AVPI1: variants seen among roughly 807,000 people sequenced by gnomAD.
The protein encoded by AVPI1 is arginine vasopressin-induced protein 1.
AVPI1 carries 9 observed loss-of-function variants against 11.9 expected under a neutral mutation model. That is an observed-to-expected ratio of 0.76 (90% CI 0.46 to 1.32). The LOEUF is 1.32. Among genes scored for constraint, AVPI1 ranks in the 40% most tolerant of loss-of-function variants. The probability of loss-of-function intolerance (pLI) is 0.00; values close to 1 mark genes in which losing one functional copy is unlikely to be tolerated. For missense variants in AVPI1, 207 were observed against 195.8 expected (o/e 1.06, Z -0.34); for synonymous variants, 68 against 78.1 (o/e 0.87, Z 0.68).
chr10:97,685,798 T>C (rs924090781), intron 1 of AVPI1, among the ~76,000 whole-genome samples: 12 of 152,158 alleles, frequency 7.9e-5, no homozygotes, highest in African/African-American at 2.9e-4. Flanking sequence ...TCCAAATCCA[T>C]GCCCCTGGAG....
At position 97,677,966 on chromosome 10, in the gene AVPI1, C is replaced by T. The variant is rs770430421; in HGVS notation, c.347G>A (p.Ser116Asn). The part of the protein sequence containing the change: ...NPQSATETAS[S>N]EQYLHSRKKS... ...CTTCCTAGAGTGCAGATACTGCTCA[C>T]TGGAGGCTGTCTCTGTGGCACTCTG... The change falls in exon 3 of 3, where the codon AGT becomes AAT. Residue 116 changes from serine to asparagine, a missense_variant. Coordinates refer to ENST00000370626, the MANE Select transcript of AVPI1 (RefSeq NM_021732.3). 68 of 1,614,078 alleles carry T rather than the reference C, an allele frequency of 4.2e-5. 1 individual carries two copies. The highest frequency in any genetic ancestry group is 1.2e-4 in the Admixed American group (7 of 60,000).
chr10:97,685,366 G>A lies in AVPI1; in HGVS notation c.-11+1400C>T, dbSNP rs943364745. Among the ~76,000 whole-genome samples, 9 of 152,122 alleles carry A rather than the reference G, an allele frequency of 5.9e-5. No homozygotes were observed. In the South Asian group the frequency reaches 6.2e-4, roughly 10 times the overall value. ...TGAATTTGCAATATATAAATATGGC[G>A]CGCAATTGAGCACTCTTTGCAATAT... On this transcript the variant is annotated intron_variant, in intron 1 of 2. Transcript: ENST00000370626.
intron 2 of AVPI1, among the ~76,000 whole-genome samples, chr10:97,678,938 T>TTTTCAGAGAGAG (rs2041684543): frequency 3.0e-5 from 1 of 33,680 alleles, no homozygotes; most frequent in Non-Finnish European, 6.3e-5. Flanking sequence ...TGTGTGTGTG[T>TTTTCAGAGAGAG]GTGTGTGTGT....
At chr10:97,679,141 C>CT (rs559721224) in intron 2 of AVPI1, among the ~76,000 whole-genome samples, 52,236 of 124,102 alleles carry the variant, frequency 0.42, 12,033 homozygotes, top group African/African-American at 0.54. Flanking sequence ...TAACAGCAAT[C>CT]TTTTTTTTTT....
rs770933514 is a variant in AVPI1, at chr10:97,679,773, G to A, written c.133C>T (p.Arg45Cys). The A allele has an allele frequency of 6.8e-6, 11 of 1,613,944 alleles. No homozygotes were observed. Among genetic ancestry groups the A allele is most frequent in the South Asian group, 6.6e-5 (6 of 91,072 alleles). The part of the protein sequence containing the change: ...ELLQIQALFQ[R>C]SGDQLAEERA... ...TCCTCGGCCAGCTGGTCCCCGCTGC[G>A]TTGAAACAGGGCTTGGATCTGCAGC... The change falls in exon 2 of 3, where the codon CGC becomes TGC. Residue 45 changes from arginine (R) to cysteine (C), a missense_variant. Arg to Cys is a radical substitution (Grantham distance 180). Coordinates refer to ENST00000370626, the MANE Select transcript of AVPI1 (RefSeq NM_021732.3).
intron 1 of AVPI1, among the ~76,000 whole-genome samples, chr10:97,683,978 AACGGAGCT>A (rs2041717146): frequency 6.6e-6 from 1 of 152,028 alleles, no homozygotes; most frequent in Non-Finnish European, 1.5e-5. Context: ...CAGAAGGAGG[AACGGAGCT>A]ACTTGTCTGC....
chr10:97,682,128 T>G (rs568674410), intron 1 of AVPI1, among the ~76,000 whole-genome samples: 1 of 152,350 alleles, frequency 6.6e-6, no homozygotes, highest in East Asian at 1.9e-4. Flanking sequence ...CCATGGATAC[T>G]GAGGAATTTA....
At chr10:97,679,425 G>A (rs930179490) in intron 2 of AVPI1, among the ~76,000 whole-genome samples, 194 bp downstream of exon 2, 8 of 152,166 alleles carry the variant, frequency 5.3e-5, no homozygotes, top group Non-Finnish European at 1.2e-4. Flanking sequence ...TTACAGGGAT[G>A]AGCCACTGCA....
At chr10:97,681,144 G>A (rs1049780268) in intron 1 of AVPI1, among the ~76,000 whole-genome samples, 1 of 152,182 alleles carries the variant, frequency 6.6e-6, no homozygotes, top group Non-Finnish European at 1.5e-5. Context: ...CTCTGAGCCT[G>A]TTTCCTTAAC....
chr10:97,678,684 T>TTAAAA (rs771573400), intron 2 of AVPI1, among the ~76,000 whole-genome samples: 1 of 145,102 alleles, frequency 6.9e-6, no homozygotes, highest in Non-Finnish European at 1.5e-5. Context: ...TAATTAGGCT[T>TTAAAA]AAAAAAAAAA....
chr10:97,677,934 C>T lies in AVPI1; in HGVS notation c.379G>A (p.Ala127Thr). 1.2e-6 allele frequency: 2 copies of T among 1,614,156 alleles called. No homozygotes were observed. The highest frequency in any genetic ancestry group is 2.2e-5 in the South Asian group (2 of 91,082). Residue 127 changes from alanine (A) to threonine (T), a missense_variant, in exon 3 of 3, where the codon GCC (alanine) becomes ACC (threonine). By Grantham distance (58) the Ala-to-Thr change is moderately conservative. Coordinates refer to ENST00000370626, the MANE Select transcript of AVPI1 (RefSeq NM_021732.3). ...TTCCTCCAGTTCCGGCGGATCCTGG[C>T]ACTTTTCTTCCTAGAGTGCAGATAC... ...EQYLHSRKKS[A>T]RIRRNWRKSG...
intron 1 of AVPI1, among the ~76,000 whole-genome samples, chr10:97,683,080 G>T (rs2041712524): frequency 6.6e-6 from 1 of 152,250 alleles, no homozygotes; most frequent in South Asian, 2.1e-4. Context: ...GAAGTAAAGG[G>T]AAGCTAAGAT....
chr10:97,681,754 T>C (rs2041705303), intron 1 of AVPI1, among the ~76,000 whole-genome samples: 1 of 148,970 alleles, frequency 6.7e-6, no homozygotes, highest in South Asian at 2.1e-4. Context: ...GGCGGGCGCC[T>C]GTAGTCCCAG....
At chr10:97,678,944 T>TTTTCAGAGAGA (rs1564779863) in intron 2 of AVPI1, among the ~76,000 whole-genome samples, 1 of 50,330 alleles carries the variant, frequency 2.0e-5, no homozygotes, top group African/African-American at 8.3e-5. Flanking sequence ...TGTGTGTGTG[T>TTTTCAGAGAGA]GTGTGTGTGT....
At position 97,679,728 on chromosome 10, in the gene AVPI1, C is replaced by G; in HGVS notation, c.178G>C (p.Glu60Gln). 1 of 1,614,084 alleles carries G rather than the reference C, an allele frequency of 6.2e-7. No homozygotes were observed. Among genetic ancestry groups the G allele is most frequent in the Non-Finnish European group, 8.5e-7 (1 of 1,180,014 alleles). Residue 60 changes from glutamate to glutamine, a missense_variant, in exon 2 of 3, where the codon GAA becomes CAA. Transcript: ENST00000370626. Reference sequence around the variant, plus strand: ...GCCACACGGTGGTCCCCTGCACATTCCCAGATGATCTGTGCCCGTTCCTCG... The same window carrying G: ...GCCACACGGTGGTCCCCTGCACATTGCCAGATGATCTGTGCCCGTTCCTCG... ...LAEERAQIIW[E>Q]CAGDHRVAEA...
intron 1 of AVPI1, among the ~76,000 whole-genome samples, chr10:97,682,072 T>C (rs2041707975): frequency 6.6e-6 from 1 of 152,222 alleles, no homozygotes; most frequent in Admixed American, 6.5e-5. Context: ...CATGGCATTT[T>C]ATGTAAGTGA....
chr10:97,678,912 T>TTTTCAGAGACAG (rs1564779812), intron 2 of AVPI1, among the ~76,000 whole-genome samples: 2 of 10,024 alleles, frequency 2.0e-4, no homozygotes, highest in Non-Finnish European at 4.9e-4. Context: ...TGTGTGTGTG[T>TTTTCAGAGACAG]GTGTGTGTGT....
At position 97,679,907 on chromosome 10, in the gene AVPI1, G is replaced by A. The variant is rs2041695559; in HGVS notation, c.-2C>T. ...GACCACCGAGGCTGGGGTACCCATT[G>A]TGGATGCTCTGAGGATGCAAAGCAT... On this transcript the variant is annotated 5_prime_UTR_variant, in exon 2 of 3. Transcript: ENST00000370626. The A allele has an allele frequency of 1.3e-6, 2 of 1,567,292 alleles. No individual in the cohort carries two copies. The highest frequency in any genetic ancestry group is 2.7e-5 in the African/African-American group (2 of 74,590).
intron 1 of AVPI1, among the ~76,000 whole-genome samples, chr10:97,680,477 G>T (rs1385798734): frequency 3.9e-5 from 6 of 152,154 alleles, no homozygotes; most frequent in Non-Finnish European, 8.8e-5. Context: ...TGATGCTAAG[G>T]CCCAGGTGCC....
Sources: gnomAD v4.1 joint callset for allele counts (sites outside exome capture counted in the v4.1 genomes callset) on GRCh38, gnomAD v4.1.1 for gene constraint, MANE v1.5 for transcripts, NCBI Gene and HGNC (gene_info 2026-07-23, HGNC 2026-07-21) for gene names.